MYBL1: variants seen among roughly 807,000 people sequenced by gnomAD.
MYBL1 encodes the protein myb-related protein A.
A neutral mutation model predicts 96.3 loss-of-function variants in MYBL1; 17 were observed. The ratio of observed to expected loss-of-function variants is 0.18; its 90% CI spans 0.12 to 0.26. The LOEUF is 0.26. MYBL1 is among the 10% of genes least tolerant of loss of function. The pLI is 1.00. For synonymous variants in MYBL1, 282 were observed against 292.7 expected (o/e 0.96, Z 0.37); for missense variants, 701 against 882.9 (o/e 0.79, Z 2.61).
chr8:66,595,439 T>C (rs1180112377), intron 6 of MYBL1, 144 bp downstream of exon 6: 5 of 423,446 alleles, frequency 1.2e-5, no homozygotes, highest in African/African-American at 1.0e-4. Context: ...TCAAAATATT[T>C]ATAAATCAAA....
At chr8:66,603,023 G>T (rs1810168372) in intron 1 of MYBL1, among the ~76,000 whole-genome samples, 1 of 152,046 alleles carries the variant, frequency 6.6e-6, no homozygotes, top group South Asian at 2.1e-4. Context: ...GGGATTACAG[G>T]CGTGAGCCAC....
chr8:66,576,053 G>A lies in MYBL1; in HGVS notation c.1424C>T (p.Ala475Val), dbSNP rs61753806. The change falls in exon 10 of 16, where the codon GCG becomes GTG. Residue 475 changes from alanine to valine, a missense_variant. By Grantham distance (64) the Ala-to-Val change is moderately conservative (BLOSUM62 0). Around this residue, in one of 5 missense-constraint regions of MYBL1, gnomAD observed 396 missense variants for 407.4 expected, o/e 0.97. Transcript: ENST00000522677. ...DGSLNDGGNMALKHTPLKTLP... is the reference protein window; with the variant it reads ...DGSLNDGGNMVLKHTPLKTLP... ...TGTTTTCAGTGGTGTATGTTTTAGCGCCATATTACCACCATCGTTCAATGA... is the reference window on the plus strand; with the variant it reads ...TGTTTTCAGTGGTGTATGTTTTAGCACCATATTACCACCATCGTTCAATGA... 65 of 1,613,846 alleles carry A rather than the reference G, an allele frequency of 4.0e-5. No individual in the cohort carries two copies. The African/African-American group carries it at 6.9e-4, about 17-fold the overall frequency.
rs1465552890 is a variant in MYBL1, at chr8:66,576,037, T to G, written c.1440A>C (p.Pro480=). Residue 480 remains proline, a synonymous_variant, in exon 10 of 16, where the codon CCA becomes CCC. Coordinates refer to ENST00000522677, the MANE Select transcript of MYBL1 (RefSeq NM_001080416.4). ...AAGGAGAAAATGGTAGTGTTTTCAGTGGTGTATGTTTTAGCGCCATATTAC... is the reference window on the plus strand; with the variant it reads ...AAGGAGAAAATGGTAGTGTTTTCAGGGGTGTATGTTTTAGCGCCATATTAC... The part of the protein sequence containing the change: ...DGGNMALKHT[P]LKTLPFSPSQ... The G allele has an allele frequency of 4.3e-6, 7 of 1,613,572 alleles. No homozygotes were observed. The highest frequency in any genetic ancestry group is 5.9e-6 in the Non-Finnish European group (7 of 1,179,752).
chr8:66,589,827 A>G (rs1809565985), intron 8 of MYBL1, among the ~76,000 whole-genome samples: 1 of 152,192 alleles, frequency 6.6e-6, no homozygotes, highest in Admixed American at 6.5e-5. Flanking sequence ...TAAGGTAAGT[A>G]TATGTCAGGT....
intron 1 of MYBL1, among the ~76,000 whole-genome samples, chr8:66,611,803 G>C (rs1563557784): frequency 6.6e-6 from 1 of 152,198 alleles, no homozygotes; most frequent in Admixed American, 6.5e-5. Context: ...ATTTTTAGCA[G>C]AACTCTGCAA....
chr8:66,574,006 G>C (rs1563529507), intron 10 of MYBL1, among the ~76,000 whole-genome samples: 1 of 151,106 alleles, frequency 6.6e-6, no homozygotes, highest in Non-Finnish European at 1.5e-5. Flanking sequence ...TGGCAAATTT[G>C]CCTATCTAGA....
chr8:66,602,550 T>A (rs1321749927), intron 1 of MYBL1, 27 bp from the exon 2 acceptor site: 1 of 1,508,398 alleles, frequency 6.6e-7, no homozygotes, highest in Non-Finnish European at 9.1e-7. Context: ...ATTTGTGATA[T>A]CAAGAATTTT....
chr8:66,607,146 A>C (rs1168291552), intron 1 of MYBL1, among the ~76,000 whole-genome samples: 12 of 152,142 alleles, frequency 7.9e-5, no homozygotes, highest in South Asian at 2.1e-4. Flanking sequence ...AAAAAAAAAA[A>C]AAAACTCTAC....
At chr8:66,566,653 A>T in intron 14 of MYBL1, 31 bp downstream of exon 14, 2 of 1,431,686 alleles carry the variant, frequency 1.4e-6, no homozygotes, top group South Asian at 2.4e-5. Context: ...GCAACCATTT[A>T]AAATAACAAC....
intron 6 of MYBL1, among the ~76,000 whole-genome samples, chr8:66,593,864 A>C (rs964771682): frequency 6.6e-6 from 1 of 152,146 alleles, no homozygotes; most frequent in African/African-American, 2.4e-5. Flanking sequence ...GGCCGGGTAC[A>C]GTGGCCCACC....
intron 12 of MYBL1, among the ~76,000 whole-genome samples, chr8:66,567,329 A>C (rs1361748477): frequency 6.6e-6 from 1 of 152,214 alleles, no homozygotes; most frequent in African/African-American, 2.4e-5. Flanking sequence ...AAAACAGGAA[A>C]TATAGAACAT....
intron 1 of MYBL1, among the ~76,000 whole-genome samples, chr8:66,603,420 A>G (rs1305362571): frequency 1.3e-5 from 2 of 152,178 alleles, no homozygotes; most frequent in African/African-American, 2.4e-5. Flanking sequence ...TACAAGATAA[A>G]GGTACAGTAA....
chr8:66,566,742 T>A lies in MYBL1; in HGVS notation c.1892A>T (p.Asn631Ile). ...KKVRKSLVLD[N>I]WEKEESGTQL... is the part of the protein sequence containing the mutation. The stretch of plus-strand genomic sequence containing the variant: ...AGTGCCTGATTCTTCTTTTTCCCAA[T>A]TATCTAAGACTAGTGATTTTCTGAC... The change falls in exon 14 of 16, where the codon AAT (asparagine) becomes ATT (isoleucine). Residue 631 changes from asparagine to isoleucine, a missense_variant. Physicochemically the swap from Asn to Ile is moderately radical, Grantham distance 149. Around this residue, in one of 5 missense-constraint regions of MYBL1, gnomAD observed 137 missense variants for 137.5 expected, o/e 1.00. Coordinates refer to ENST00000522677, the MANE Select transcript of MYBL1 (RefSeq NM_001080416.4). 1 of 1,610,652 alleles carries A rather than the reference T, an allele frequency of 6.2e-7. No homozygotes were observed. The highest frequency in any genetic ancestry group is 1.1e-5 in the South Asian group (1 of 90,750).
In MYBL1 at chr8:66,566,860, A is replaced by G; in HGVS notation, c.1845+16T>C. 2 of 1,596,080 alleles carry G rather than the reference A, an allele frequency of 1.3e-6. No homozygotes were observed. The highest frequency in any genetic ancestry group is 8.6e-7 in the Non-Finnish European group (1 of 1,164,776). On this transcript the variant is annotated intron_variant, in intron 13 of 15. Transcript: ENST00000522677. Reference sequence around the variant, plus strand: ...ATACAATAAGACTTTTATTAACAATAATACTAGAAGATTACCTCTTGTTTG... The same window carrying G: ...ATACAATAAGACTTTTATTAACAATGATACTAGAAGATTACCTCTTGTTTG...
intron 1 of MYBL1, among the ~76,000 whole-genome samples, chr8:66,603,520 T>C (rs1434438700): frequency 6.6e-6 from 1 of 151,898 alleles, no homozygotes; most frequent in African/African-American, 2.4e-5. Context: ...GGGTCTCAGC[T>C]TGCTCTGTCA....
intron 8 of MYBL1, among the ~76,000 whole-genome samples, chr8:66,583,754 T>C (rs1443198132): frequency 6.6e-6 from 1 of 152,104 alleles, no homozygotes; most frequent in Non-Finnish European, 1.5e-5. Flanking sequence ...CCTATCAAGA[T>C]TGAACCAAGA....
chr8:66,580,426 G>T, intron 8 of MYBL1, 60 bp from the exon 9 acceptor site: 2 of 1,142,842 alleles, frequency 1.8e-6, no homozygotes, highest in Non-Finnish European at 2.5e-6. Context: ...CATAAATTCA[G>T]ATTTCAACAC....
At chr8:66,602,309 C>G (rs1356160980) in intron 2 of MYBL1, 109 bp downstream of exon 2, 1 of 621,918 alleles carries the variant, frequency 1.6e-6, no homozygotes, top group Non-Finnish European at 2.5e-6. Context: ...TCTCGGCCTC[C>G]CAAAGGGCTG....
At chr8:66,581,212 C>T (rs892754031) in intron 8 of MYBL1, among the ~76,000 whole-genome samples, 2 of 152,104 alleles carry the variant, frequency 1.3e-5, no homozygotes, top group Non-Finnish European at 2.9e-5. Flanking sequence ...TAATAATGTC[C>T]TAATTCATTT....
Sources: gnomAD v4.1 joint callset for allele counts (sites outside exome capture counted in the v4.1 genomes callset) on GRCh38, gnomAD v4.1.1 for gene constraint, gnomAD v4.1.1 regional missense constraint, MANE v1.5 for transcripts, NCBI Gene and HGNC (gene_info 2026-07-23, HGNC 2026-07-21) for gene names.